SDK1: variants seen among roughly 807,000 people sequenced by gnomAD.
SDK1 encodes protein sidekick-1.
A neutral mutation model predicts 245.5 loss-of-function variants in SDK1; 157 were observed. The ratio of observed to expected loss-of-function variants is 0.64; its 90% CI spans 0.56 to 0.73. The LOEUF (loss-of-function observed/expected upper bound fraction) is 0.73, where lower values mean the gene tolerates loss of function less well. SDK1 is among the 30% of genes least tolerant of loss of function. SDK1 has a pLI of 0.00. For missense variants in SDK1, 3,583 were observed against 3,002.3 expected (o/e 1.19, Z -4.52); for synonymous variants, 1,647 against 1,278.5 (o/e 1.29, Z -6.15).
At chr7:3,859,098 G>T (rs7785577) in intron 5 of SDK1, among the ~76,000 whole-genome samples, 217 of 151,906 alleles carry the variant, frequency 1.4e-3, no homozygotes, top group Middle Eastern at 3.4e-3. Context: ...TCCTGACCTC[G>T]TGATCCGCCC....
At chr7:3,614,688 A>G (rs546772670) in intron 1 of SDK1, among the ~76,000 whole-genome samples, 1 of 152,276 alleles carries the variant, frequency 6.6e-6, no homozygotes, top group African/African-American at 2.4e-5. Flanking sequence ...TTCAATGGTA[A>G]ATAGTGCTGG....
intron 5 of SDK1, among the ~76,000 whole-genome samples, chr7:3,832,628 A>G (rs1007804463): frequency 6.6e-6 from 1 of 152,192 alleles, no homozygotes; most frequent in Non-Finnish European, 1.5e-5. Flanking sequence ...TTCCAAGAAC[A>G]CTTCGTATCT....
chr7:3,785,704 T>A (rs1172876957), intron 4 of SDK1, among the ~76,000 whole-genome samples: 5 of 151,514 alleles, frequency 3.3e-5, no homozygotes, highest in Non-Finnish European at 7.4e-5. Flanking sequence ...GGCATTTATT[T>A]AAAAAAAAAT....
At chr7:3,374,959 T>A (rs1323627932) in intron 1 of SDK1, among the ~76,000 whole-genome samples, 1 of 152,212 alleles carries the variant, frequency 6.6e-6, no homozygotes, top group East Asian at 1.9e-4. Flanking sequence ...TAGTTCACTA[T>A]CGTATATCTA....
chr7:3,777,371 A>G (rs17133810), intron 4 of SDK1, among the ~76,000 whole-genome samples: 6,961 of 152,306 alleles, frequency 0.046, 528 homozygotes, highest in African/African-American at 0.16. Context: ...CTTTATGGCT[A>G]TCAAAGTGTT....
intron 40 of SDK1, among the ~76,000 whole-genome samples, chr7:4,231,214 C>T (rs1297386507): frequency 6.6e-6 from 1 of 152,140 alleles, no homozygotes; most frequent in Non-Finnish European, 1.5e-5. Context: ...GCTTGCCATT[C>T]TGACATTATT....
At chr7:3,398,080 C>T (rs142550440) in intron 1 of SDK1, among the ~76,000 whole-genome samples, 85 of 152,080 alleles carry the variant, frequency 5.6e-4, no homozygotes, top group Non-Finnish European at 9.9e-4. Flanking sequence ...GTAGGTTTAA[C>T]GTTTTCTATA....
intron 1 of SDK1, among the ~76,000 whole-genome samples, chr7:3,458,788 A>G (rs190144084): frequency 2.0e-5 from 3 of 152,154 alleles, no homozygotes; most frequent in Admixed American, 1.3e-4. Context: ...GACTCTTTCT[A>G]CTTGCTCCAG....
chr7:3,746,722 G>A (rs969574073), intron 4 of SDK1, among the ~76,000 whole-genome samples: 2 of 152,158 alleles, frequency 1.3e-5, no homozygotes, highest in East Asian at 1.9e-4. Flanking sequence ...CATGTCTTCA[G>A]ACTCCACTGC....
chr7:3,747,891 G>A lies in SDK1; in HGVS notation c.714-73559G>A, dbSNP rs574570019. Among the ~76,000 whole-genome samples the A allele has an allele frequency of 3.9e-5, 6 of 152,188 alleles. 1 individual carries two copies. Among genetic ancestry groups the A allele is most frequent in the African/African-American group, 9.6e-5 (4 of 41,508 alleles). On this transcript the variant is annotated intron_variant, in intron 4 of 44. Coordinates refer to ENST00000404826, the MANE Select transcript of SDK1 (RefSeq NM_152744.4). ...ACATGACGGGGTGAAAGGTAACTCT[G>A]GAGATATAGGAAGGGGTCACAGCAC...
At chr7:3,353,817 A>C (rs1390342842) in intron 1 of SDK1, among the ~76,000 whole-genome samples, 2 of 89,924 alleles carry the variant, frequency 2.2e-5, no homozygotes, top group African/African-American at 3.2e-5. Flanking sequence ...TAGAAAAAGC[A>C]GCCTCCCATG....
At chr7:3,956,467 A>G (rs1295596556) in intron 7 of SDK1, among the ~76,000 whole-genome samples, 2 of 152,186 alleles carry the variant, frequency 1.3e-5, no homozygotes, top group African/African-American at 4.8e-5. Flanking sequence ...GGGAAGTACT[A>G]AGGGAAGCTC....
At chr7:3,737,269 G>A (rs1259974582) in intron 4 of SDK1, among the ~76,000 whole-genome samples, 5 of 152,226 alleles carry the variant, frequency 3.3e-5, no homozygotes, top group African/African-American at 1.2e-4. Context: ...TGGTCAGGTG[G>A]TCAATGGGGT....
At chr7:3,716,771 G>GAAAAAAA in intron 4 of SDK1, among the ~76,000 whole-genome samples, 1 of 110,806 alleles carries the variant, frequency 9.0e-6, no homozygotes. Context: ...CAAAAAAAAA[G>GAAAAAAA]AAAAAAAAAA....
At chr7:3,357,451 G>C (rs936321520) in intron 1 of SDK1, among the ~76,000 whole-genome samples, 2 of 142,304 alleles carry the variant, frequency 1.4e-5, no homozygotes, top group Admixed American at 1.5e-4. Flanking sequence ...CCTGGGCTCA[G>C]GTGATCTTCC....
At chr7:3,742,062 CAG>C (rs1261870723) in intron 4 of SDK1, among the ~76,000 whole-genome samples, 7 of 148,204 alleles carry the variant, frequency 4.7e-5, no homozygotes, top group African/African-American at 7.5e-5. Context: ...ATAGAAAAGA[CAG>C]AGCACAAATT....
intron 4 of SDK1, among the ~76,000 whole-genome samples, chr7:3,676,612 A>G (rs969244484): frequency 2.0e-5 from 3 of 152,140 alleles, no homozygotes; most frequent in Non-Finnish European, 2.9e-5. Flanking sequence ...GGCGTGAGCC[A>G]CCACGCCTTG....
intron 1 of SDK1, among the ~76,000 whole-genome samples, chr7:3,379,699 A>G (rs1781438130): frequency 6.6e-6 from 1 of 152,210 alleles, no homozygotes; most frequent in Non-Finnish European, 1.5e-5. Context: ...AATGCAAACA[A>G]TAAATGGAAA....
intron 14 of SDK1, among the ~76,000 whole-genome samples, chr7:3,993,886 T>C (rs1446722240): frequency 6.6e-6 from 1 of 152,228 alleles, no homozygotes; most frequent in Admixed American, 6.5e-5. Context: ...ACAGAGCCAG[T>C]GAGCTCCACT....
Sources: allele counts gnomAD v4.1 joint callset (sites outside exome capture counted in the v4.1 genomes callset), GRCh38; gene constraint gnomAD v4.1.1; transcripts MANE v1.5; gene names NCBI Gene and HGNC (gene_info 2026-07-23, HGNC 2026-07-21).